The following SLIT2 variants were observed in gnomAD, a reference collection of about 807,000 sequenced individuals.
SLIT2 encodes the protein slit homolog 2 protein.
Under a neutral mutation model 185.7 loss-of-function variants are expected in SLIT2, and 41 were observed. The ratio of observed to expected loss-of-function variants is 0.22; its 90% CI spans 0.17 to 0.29. The LOEUF (loss-of-function observed/expected upper bound fraction) is 0.29, where lower values mean the gene tolerates loss of function less well. Among genes scored for constraint, SLIT2 ranks in the 10% least tolerant of loss-of-function variants. SLIT2 has a pLI of 1.00. For missense variants in SLIT2, 1,571 were observed against 1,909.0 expected, an observed-to-expected ratio of 0.82 and a Z score of 3.30; for synonymous variants, 693 against 680.2, an observed-to-expected ratio of 1.02 and a Z score of -0.29.
At position 20,529,784 on chromosome 4, in the gene SLIT2, T is replaced by C. The variant is rs890500559; in HGVS notation, c.1613+685T>C. Among the ~76,000 whole-genome samples, 12 of 152,228 alleles carry C rather than the reference T, an allele frequency of 7.9e-5. No individual in the cohort carries two copies. The East Asian group carries it at 2.3e-3, about 29-fold the overall frequency. ...AAGAAGAGGACCTTTAATGTTAGTG[T>C]TCTAACAATTCAGGGAAAAAACTAG... On this transcript the variant is annotated intron_variant, in intron 16 of 36. Coordinates refer to ENST00000504154, the MANE Select transcript of SLIT2 (RefSeq NM_004787.4).
chr4:20,488,411 G>A (rs971849282), intron 7 of SLIT2, among the ~76,000 whole-genome samples: 4 of 152,140 alleles, frequency 2.6e-5, no homozygotes, highest in Non-Finnish European at 4.4e-5. Context: ...ATAATGGCAG[G>A]AATTATTGAT....
intron 1 of SLIT2, among the ~76,000 whole-genome samples, chr4:20,255,710 G>A (rs1404287575): frequency 6.6e-6 from 1 of 152,122 alleles, no homozygotes; most frequent in African/African-American, 2.4e-5. Context: ...TTGAATTTCA[G>A]GTCCTTGAAA....
chr4:20,350,839 A>G (rs1228504465), intron 4 of SLIT2, among the ~76,000 whole-genome samples: 1 of 152,172 alleles, frequency 6.6e-6, no homozygotes, highest in African/African-American at 2.4e-5. Context: ...AAAAAAATAA[A>G]GAGTTAAATA....
rs376355009 is a variant in SLIT2 at position 20,544,673 on chromosome 4, ATAAT to A, written c.2277-1354_2277-1351del. On this transcript the variant is annotated intron_variant, in intron 21 of 36. Coordinates refer to ENST00000504154, the MANE Select transcript of SLIT2 (RefSeq NM_004787.4). The stretch of plus-strand genomic sequence containing the variant: ...GAATTTCATATGTGTATTACATTAA[ATAAT>A]TAAAGACTTTGGCAAAAATTAGTAT... Among the ~76,000 whole-genome samples the A allele has an allele frequency of 2.7e-3, 413 of 152,300 alleles. 10 individuals are homozygous for A. The South Asian group carries it at 0.06, about 22-fold the overall frequency.
At chr4:20,503,474 TG>T (rs1292128588) in intron 9 of SLIT2, among the ~76,000 whole-genome samples, 3 of 152,142 alleles carry the variant, frequency 2.0e-5, no homozygotes, top group African/African-American at 7.2e-5. Context: ...TTTTCTTTCT[TG>T]GGTTGATTTA....
chr4:20,333,778 C>T (rs777660522), intron 4 of SLIT2, among the ~76,000 whole-genome samples: 12 of 151,974 alleles, frequency 7.9e-5, no homozygotes, highest in African/African-American at 2.7e-4. Flanking sequence ...GTCAAGGATA[C>T]GATGTTGTAT....
chr4:20,424,849 C>T (rs1461922723), intron 4 of SLIT2, among the ~76,000 whole-genome samples: 1 of 152,084 alleles, frequency 6.6e-6, no homozygotes, highest in African/African-American at 2.4e-5. Context: ...CAATCCACCT[C>T]AGTACCGTGG....
chr4:20,516,221 C>T (rs1326648737), intron 11 of SLIT2, among the ~76,000 whole-genome samples: 2 of 152,200 alleles, frequency 1.3e-5, no homozygotes, highest in African/African-American at 4.8e-5. Flanking sequence ...TTGTGTTTAA[C>T]GTTCTTGGCC....
intron 26 of SLIT2, among the ~76,000 whole-genome samples, chr4:20,564,946 T>C (rs1200630483): frequency 6.6e-6 from 1 of 151,936 alleles, no homozygotes; most frequent in Admixed American, 6.6e-5. Context: ...TCAGATATGG[T>C]CCGGTGGACA....
intron 4 of SLIT2, among the ~76,000 whole-genome samples, chr4:20,381,919 A>AAATACAT (rs1724556642): frequency 7.7e-6 from 1 of 130,022 alleles, no homozygotes; most frequent in Non-Finnish European, 1.8e-5. Flanking sequence ...GTATTTGTAT[A>AAATACAT]AATACATATG....
intron 29 of SLIT2, among the ~76,000 whole-genome samples, chr4:20,580,517 A>G (rs938806371): frequency 2.6e-5 from 4 of 152,072 alleles, no homozygotes; most frequent in Non-Finnish European, 5.9e-5. Flanking sequence ...TGGCACAGGC[A>G]TTCGACTCAC....
intron 4 of SLIT2, among the ~76,000 whole-genome samples, chr4:20,330,350 T>G (rs1719958847): frequency 6.6e-6 from 1 of 152,128 alleles, no homozygotes; most frequent in Non-Finnish European, 1.5e-5. Flanking sequence ...TAAATGTAAC[T>G]GTGCAAAGTA....
At chr4:20,574,239 C>CCACCACACCTGGCCTGAGT (rs1188363713) in intron 29 of SLIT2, among the ~76,000 whole-genome samples, 1 of 152,046 alleles carries the variant, frequency 6.6e-6, no homozygotes, top group East Asian at 1.9e-4. Context: ...CAGGTGTGAG[C>CCACCACACCTGGCCTGAGT]CACCACACCT....
intron 4 of SLIT2, chr4:20,364,391 G>A (rs557032263): frequency 2.5e-6 from 1 of 395,956 alleles, no homozygotes; most frequent in South Asian, 1.1e-4. Context: ...GAAAAAGAAA[G>A]CTGACCTGCC....
chr4:20,506,366 A>G (rs749097249), intron 9 of SLIT2, among the ~76,000 whole-genome samples: 6 of 151,958 alleles, frequency 3.9e-5, no homozygotes, highest in Non-Finnish European at 2.9e-5. Flanking sequence ...TATACTATCT[A>G]TTTTTGGAAT....
intron 4 of SLIT2, among the ~76,000 whole-genome samples, chr4:20,412,722 G>A (rs947173882): frequency 3.9e-5 from 6 of 151,934 alleles, no homozygotes; most frequent in East Asian, 1.9e-4. Flanking sequence ...ACAATTTAGC[G>A]ATTTTATATT....
chr4:20,617,733 G>C, intron 36 of SLIT2, 83 bp downstream of exon 36: 12 of 496,966 alleles, frequency 2.4e-5, no homozygotes, highest in Middle Eastern at 5.7e-4. Flanking sequence ...GAGAAAAAGT[G>C]AAAAAAAAAA....
intron 4 of SLIT2, among the ~76,000 whole-genome samples, chr4:20,314,911 A>T (rs986444685): frequency 3.9e-5 from 6 of 152,072 alleles, no homozygotes; most frequent in African/African-American, 1.2e-4. Flanking sequence ...AATGTTAATA[A>T]TGCCTAGTGT....
intron 11 of SLIT2, among the ~76,000 whole-genome samples, chr4:20,517,038 A>G (rs1720277068): frequency 6.6e-6 from 1 of 152,172 alleles, no homozygotes; most frequent in African/African-American, 2.4e-5. Flanking sequence ...ATTTGGGCCA[A>G]CCTTCAAAGC....
Sources: allele counts gnomAD v4.1 joint callset (sites outside exome capture counted in the v4.1 genomes callset), GRCh38; gene constraint gnomAD v4.1.1; transcripts MANE v1.5; gene names NCBI Gene and HGNC (gene_info 2026-07-23, HGNC 2026-07-21).